The following KCNH8 variants were observed in gnomAD, a reference collection of about 807,000 sequenced individuals.
KCNH8 encodes potassium voltage-gated channel subfamily H member 8, also known as voltage-gated delayed rectifier potassium channel KCNH8.
KCNH8 carries 70 observed loss-of-function variants against 103.6 expected under a neutral mutation model. The observed-to-expected ratio is 0.68, with a 90% CI of 0.56 to 0.82. The LOEUF (loss-of-function observed/expected upper bound fraction) is 0.82, where lower values mean the gene tolerates loss of function less well. KCNH8 is among the 40% of genes least tolerant of loss of function. The pLI, the probability that KCNH8 is intolerant of heterozygous loss-of-function variation, is 0.00. For synonymous variants in KCNH8, 498 were observed against 489.4 expected (o/e 1.02, Z -0.23); for missense variants, 1,217 against 1,329.9 (o/e 0.92, Z 1.32).
At chr3:19,154,269 G>T (rs957487656) in intron 1 of KCNH8, among the ~76,000 whole-genome samples, 6 of 152,126 alleles carry the variant, frequency 3.9e-5, no homozygotes, top group African/African-American at 1.2e-4. Flanking sequence ...TTGTCATTGA[G>T]GCTGGAAAGA....
At chr3:19,502,628 C>T (rs928764856) in intron 11 of KCNH8, among the ~76,000 whole-genome samples, 2 of 152,066 alleles carry the variant, frequency 1.3e-5, no homozygotes, top group Non-Finnish European at 2.9e-5. Context: ...CGCCACATAT[C>T]TACAACTATC....
chr3:19,419,413 G>C (rs975685415), intron 7 of KCNH8, among the ~76,000 whole-genome samples: 1 of 151,326 alleles, frequency 6.6e-6, no homozygotes, highest in Non-Finnish European at 1.5e-5. Context: ...TGTTAGCCAG[G>C]ATGGTCTCGA....
intron 11 of KCNH8, among the ~76,000 whole-genome samples, chr3:19,496,475 C>T (rs1484583671): frequency 6.6e-6 from 1 of 151,894 alleles, no homozygotes; most frequent in Admixed American, 6.6e-5. Context: ...TTTCAGTTCT[C>T]TTTACGTGAT....
intron 1 of KCNH8, among the ~76,000 whole-genome samples, chr3:19,239,709 GTCTA>G (rs1418087932): frequency 6.6e-6 from 1 of 151,388 alleles, no homozygotes; most frequent in African/African-American, 2.4e-5. Context: ...TATCTAAGCT[GTCTA>G]TCTAATCTAG....
intron 3 of KCNH8, among the ~76,000 whole-genome samples, chr3:19,328,089 A>G (rs2065456253): frequency 6.6e-6 from 1 of 152,050 alleles, no homozygotes; most frequent in South Asian, 2.1e-4. Flanking sequence ...GAAAATTTCT[A>G]ACCACTGTTT....
chr3:19,328,017 G>GTC (rs574438599), intron 3 of KCNH8, among the ~76,000 whole-genome samples: 3 of 151,966 alleles, frequency 2.0e-5, no homozygotes, highest in African/African-American at 4.8e-5. Context: ...GTTTCTACAT[G>GTC]TCTCTCTCTC....
chr3:19,453,223 G>A (rs1039550025), intron 10 of KCNH8, among the ~76,000 whole-genome samples: 6 of 152,076 alleles, frequency 3.9e-5, no homozygotes, highest in South Asian at 4.1e-4. Flanking sequence ...GAGGAGGGGC[G>A]TGAGGGATGA....
At chr3:19,277,007 A>T (rs1157788985) in intron 2 of KCNH8, among the ~76,000 whole-genome samples, 1 of 152,186 alleles carries the variant, frequency 6.6e-6, no homozygotes, top group Non-Finnish European at 1.5e-5. Flanking sequence ...ATAATGGAAT[A>T]TTATTTGGCC....
chr3:19,275,673 C>T (rs934334214), intron 2 of KCNH8, among the ~76,000 whole-genome samples: 10 of 152,128 alleles, frequency 6.6e-5, no homozygotes, highest in African/African-American at 2.2e-4. Flanking sequence ...GGGCTGGTGA[C>T]GATGCTGTAG....
chr3:19,467,327 A>ACAC (rs60208513), intron 11 of KCNH8, among the ~76,000 whole-genome samples: 2 of 151,280 alleles, frequency 1.3e-5, no homozygotes, highest in African/African-American at 4.9e-5. Flanking sequence ...ACACACACAC[A>ACAC]TGTGCACACA....
chr3:19,407,901 T>C (rs535918027), intron 7 of KCNH8, among the ~76,000 whole-genome samples: 143 of 152,230 alleles, frequency 9.4e-4, no homozygotes, highest in Middle Eastern at 3.4e-3. Context: ...GGCACACTTC[T>C]GGGTACATGG....
chr3:19,259,223 C>G (rs946974212), intron 2 of KCNH8, among the ~76,000 whole-genome samples: 6 of 151,220 alleles, frequency 4.0e-5, no homozygotes, highest in Non-Finnish European at 7.4e-5. Context: ...TTCACTGTTT[C>G]ATTTTACTTA....
chr3:19,491,882 G>T (rs2068330211), intron 11 of KCNH8, among the ~76,000 whole-genome samples: 1 of 152,202 alleles, frequency 6.6e-6, no homozygotes. Context: ...AGTGTGAAAT[G>T]GTATCTCATT....
intron 1 of KCNH8, among the ~76,000 whole-genome samples, chr3:19,229,438 A>G (rs2063968228): frequency 6.6e-6 from 1 of 152,182 alleles, no homozygotes; most frequent in African/African-American, 2.4e-5. Context: ...ACTTCTGTGC[A>G]CTTTCAAGCT....
chr3:19,295,731 G>T (rs1053042181), intron 3 of KCNH8, among the ~76,000 whole-genome samples: 1 of 152,100 alleles, frequency 6.6e-6, no homozygotes, highest in African/African-American at 2.4e-5. Context: ...GGGTGGTGTG[G>T]CTAGTGTGGA....
chr3:19,221,858 TC>T (rs571193792), intron 1 of KCNH8, among the ~76,000 whole-genome samples: 1,913 of 151,896 alleles, frequency 0.013, 47 homozygotes, highest in African/African-American at 0.043. Context: ...TTTTTTTTTT[TC>T]CTTCTTGAGA....
chr3:19,421,274 TACTC>T (rs1255227222), intron 7 of KCNH8, among the ~76,000 whole-genome samples: 5 of 152,290 alleles, frequency 3.3e-5, no homozygotes, highest in East Asian at 1.9e-4. Flanking sequence ...TTTGACCAAA[TACTC>T]AGTATGTTTT....
chr3:19,148,892 G>A, intron 1 of KCNH8, 97 bp downstream of exon 1: 2 of 1,105,934 alleles, frequency 1.8e-6, no homozygotes, highest in South Asian at 1.3e-5. Context: ...TGCACCAGCG[G>A]AGTGAATTTT....
intron 11 of KCNH8, among the ~76,000 whole-genome samples, chr3:19,467,565 T>C: frequency 6.6e-6 from 1 of 152,284 alleles, no homozygotes; most frequent in Non-Finnish European, 1.5e-5. Flanking sequence ...TTGCCTTCAG[T>C]AGCCCATGGG....
Sources: gnomAD v4.1 joint callset for allele counts (sites outside exome capture counted in the v4.1 genomes callset) on GRCh38, gnomAD v4.1.1 for gene constraint, MANE v1.5 for transcripts, NCBI Gene and HGNC (gene_info 2026-07-23, HGNC 2026-07-21) for gene names.